The following FRMPD4 variants were observed in gnomAD, a reference collection of about 807,000 sequenced individuals.
FRMPD4 encodes the protein FERM and PDZ domain-containing protein 4.
Under a neutral mutation model 94.1 loss-of-function variants are expected in FRMPD4, and 22 were observed. The ratio of observed to expected loss-of-function variants is 0.23; its 90% CI spans 0.17 to 0.33. The LOEUF (loss-of-function observed/expected upper bound fraction) is 0.33. Ranked by LOEUF, FRMPD4 falls within the 10% of genes least tolerant of loss-of-function variation. FRMPD4 has a pLI of 1.00. For synonymous variants in FRMPD4, 631 were observed against 548.6 expected (o/e 1.15, Z -2.10); for missense variants, 1,111 against 1,339.9 (o/e 0.83, Z 2.67).
intron 1 of FRMPD4, among the ~76,000 whole-genome samples, chrX:12,250,461 A>G (rs780537017): frequency 2.7e-5 from 3 of 111,922 alleles, no homozygotes; most frequent in Non-Finnish European, 5.6e-5. Context: ...TGAGAATACC[A>G]TATGCAAATA....
intron 3 of FRMPD4, among the ~76,000 whole-genome samples, chrX:11,972,543 G>A (rs2054345605): frequency 8.9e-6 from 1 of 112,309 alleles, no homozygotes; most frequent in Non-Finnish European, 1.9e-5. Flanking sequence ...ACAGGATAGT[G>A]TAGTATTTTG....
intron 3 of FRMPD4, among the ~76,000 whole-genome samples, chrX:12,128,042 G>C (rs1183486602): frequency 8.9e-6 from 1 of 112,661 alleles, no homozygotes; most frequent in African/African-American, 3.2e-5. Flanking sequence ...GTTTCCACAG[G>C]CTGGCATTGA....
At chrX:11,917,667 A>G (rs2147342046) in intron 3 of FRMPD4, among the ~76,000 whole-genome samples, 1 of 111,843 alleles carries the variant, frequency 8.9e-6, no homozygotes, top group East Asian at 2.8e-4. Context: ...CTCATTTATA[A>G]GTGGGAGCTA....
chrX:12,072,732 A>G (rs1178525634), intron 3 of FRMPD4, among the ~76,000 whole-genome samples: 1 of 111,586 alleles, frequency 9.0e-6, no homozygotes, highest in African/African-American at 3.3e-5. Context: ...AAAGATACAG[A>G]GCATGTCACA....
At chrX:11,988,474 C>T (rs1267742552) in intron 3 of FRMPD4, among the ~76,000 whole-genome samples, 1 of 112,147 alleles carries the variant, frequency 8.9e-6, no homozygotes, top group Non-Finnish European at 1.9e-5. Flanking sequence ...AGACCTCAAA[C>T]TATGAAACTA....
At chrX:12,708,282 C>T (rs1263233878) in intron 13 of FRMPD4, among the ~76,000 whole-genome samples, 1 of 110,036 alleles carries the variant, frequency 9.1e-6, no homozygotes, top group Non-Finnish European at 1.9e-5. Context: ...CCAGGCTGAC[C>T]AACATGGTGA....
chrX:12,119,075 G>A (rs1298336757), intron 3 of FRMPD4, among the ~76,000 whole-genome samples: 8 of 110,514 alleles, frequency 7.2e-5, no homozygotes, highest in Non-Finnish European at 1.3e-4. Context: ...TTTGAGAGTG[G>A]CGCTTTACCT....
intron 2 of FRMPD4, among the ~76,000 whole-genome samples, chrX:12,567,097 A>T (rs1166968668): frequency 4.5e-5 from 5 of 111,350 alleles, no homozygotes; most frequent in Non-Finnish European, 9.4e-5. Flanking sequence ...CTTTTTTTCC[A>T]CACTAAATTC....
intron 4 of FRMPD4, among the ~76,000 whole-genome samples, chrX:12,646,677 G>GT (rs1387248482): frequency 8.9e-6 from 1 of 111,904 alleles, no homozygotes; most frequent in Non-Finnish European, 1.9e-5. Flanking sequence ...ATTCCATCCT[G>GT]TAGCTGTTTA....
intron 5 of FRMPD4, among the ~76,000 whole-genome samples, chrX:12,678,868 C>G (rs763641958): frequency 1.8e-5 from 2 of 112,330 alleles, no homozygotes; most frequent in African/African-American, 6.5e-5. Context: ...TCATGCAACC[C>G]CAACTCAATG....
intron 1 of FRMPD4, among the ~76,000 whole-genome samples, chrX:12,457,165 T>C (rs2057342270): frequency 8.9e-6 from 1 of 112,043 alleles, no homozygotes; most frequent in Non-Finnish European, 1.9e-5. Context: ...ACAAAACAAA[T>C]GTGTTCTGTT....
chrX:12,637,712 T>C (rs1217739648), intron 4 of FRMPD4, among the ~76,000 whole-genome samples: 1 of 111,045 alleles, frequency 9.0e-6, no homozygotes, highest in Non-Finnish European at 1.9e-5. Context: ...ATAGTTCCCC[T>C]ATGTGACACT....
At chrX:12,114,115 A>G (rs983384345) in intron 3 of FRMPD4, among the ~76,000 whole-genome samples, 3 of 111,598 alleles carry the variant, frequency 2.7e-5, no homozygotes, top group Non-Finnish European at 3.8e-5. Context: ...GTTCTCAGTC[A>G]AGTTCACCTT....
chrX:11,990,709 G>C (rs1388833377), intron 3 of FRMPD4, among the ~76,000 whole-genome samples: 1 of 111,041 alleles, frequency 9.0e-6, no homozygotes, highest in Non-Finnish European at 1.9e-5. Flanking sequence ...GTCTATATTA[G>C]TTTCCTATTG....
At chrX:11,982,799 A>AT (rs1474052289) in intron 3 of FRMPD4, among the ~76,000 whole-genome samples, 2 of 111,836 alleles carry the variant, frequency 1.8e-5, no homozygotes, top group Non-Finnish European at 3.8e-5. Context: ...TCTCCTACCA[A>AT]TACCTTCAAG....
chrX:12,411,171 C>T (rs1408001993), intron 1 of FRMPD4, among the ~76,000 whole-genome samples: 1 of 111,612 alleles, frequency 9.0e-6, no homozygotes, highest in Non-Finnish European at 1.9e-5. Flanking sequence ...AAACTCCCAA[C>T]ACCCACTCTT....
chrX:11,985,671 AG>A (rs914500776), intron 3 of FRMPD4, among the ~76,000 whole-genome samples: 1 of 111,981 alleles, frequency 8.9e-6, no homozygotes, highest in African/African-American at 3.2e-5. Context: ...ACTGCCCTGA[AG>A]GGTGAGCCCT....
Position 12,701,819 on chromosome X carries a change from C to A in FRMPD4, c.934-55C>A, listed in dbSNP as rs1170101318. 2.3e-5 allele frequency: 27 copies of A among 1,173,420 alleles called. No individual in the cohort carries two copies. The East Asian group carries it at 7.8e-4, about 34-fold the overall frequency. On this transcript the variant is annotated intron_variant, in intron 9 of 16. Transcript: ENST00000675598. Reference sequence around the variant, plus strand: ...ATGTATGTCACCTGTTCTGTAAGTCCACGCGCTGCGGCCTATTCTTTGACA... The same window carrying A: ...ATGTATGTCACCTGTTCTGTAAGTCAACGCGCTGCGGCCTATTCTTTGACA...
intron 3 of FRMPD4, among the ~76,000 whole-genome samples, chrX:11,965,702 A>T (rs1348860615): frequency 8.9e-6 from 1 of 112,138 alleles, no homozygotes; most frequent in African/African-American, 3.2e-5. Flanking sequence ...TCAATAGGAC[A>T]TGGTTCCTGT....
Sources: allele counts gnomAD v4.1 joint callset (sites outside exome capture counted in the v4.1 genomes callset), GRCh38; gene constraint gnomAD v4.1.1; transcripts MANE v1.5; gene names NCBI Gene and HGNC (gene_info 2026-07-23, HGNC 2026-07-21).